Variants in BCAR3 observed in about 807,000 individuals in gnomAD.
BCAR3 encodes BCAR3 adaptor protein, NSP family member, also known as breast cancer anti-estrogen resistance protein 3.
Under a neutral mutation model 80.1 loss-of-function variants are expected in BCAR3, and 37 were observed. That is an observed-to-expected ratio of 0.46 (90% CI 0.36 to 0.61). BCAR3 has a LOEUF of 0.61. Among genes scored for constraint, BCAR3 ranks in the 20% least tolerant of loss-of-function variants. The pLI is 0.00. For synonymous variants in BCAR3, 389 were observed against 418.9 expected (o/e 0.93, Z 0.87); for missense variants, 978 against 1,068.2 (o/e 0.92, Z 1.18).
At chr1:93,741,481 G>T (rs1436718435) in intron 2 of BCAR3, among the ~76,000 whole-genome samples, 1 of 152,156 alleles carries the variant, frequency 6.6e-6, no homozygotes, top group Non-Finnish European at 1.5e-5. Flanking sequence ...TTGTTGTAAG[G>T]ATTAAATGAG....
chr1:93,808,824 C>T (rs1159229139), intron 2 of BCAR3, among the ~76,000 whole-genome samples: 1 of 152,178 alleles, frequency 6.6e-6, no homozygotes, highest in East Asian at 1.9e-4. Context: ...CAGAAATATT[C>T]TCTATTGGGT....
At chr1:93,783,077 C>T (rs942271292) in intron 2 of BCAR3, among the ~76,000 whole-genome samples, 13 of 152,124 alleles carry the variant, frequency 8.5e-5, no homozygotes, top group African/African-American at 3.1e-4. Context: ...GGATGTGGAG[C>T]CTCCCTTTGG....
intron 2 of BCAR3, among the ~76,000 whole-genome samples, chr1:93,670,213 G>C (rs905036377): frequency 6.6e-6 from 1 of 152,218 alleles, no homozygotes; most frequent in Admixed American, 6.5e-5. Context: ...ACCTGGGTCT[G>C]CTTGCAGAAC....
At chr1:93,844,281 TGGGTGATA>T (rs1182135460) in intron 2 of BCAR3, among the ~76,000 whole-genome samples, 5 of 152,222 alleles carry the variant, frequency 3.3e-5, no homozygotes, top group Non-Finnish European at 7.3e-5. Context: ...CACTCCAGCC[TGGGTGATA>T]GAGTGAGACT....
intron 3 of BCAR3, among the ~76,000 whole-genome samples, chr1:93,629,617 A>G (rs969993881): frequency 1.3e-5 from 2 of 152,188 alleles, no homozygotes; most frequent in Admixed American, 1.3e-4. Context: ...TAGAAACCGA[A>G]TTGTAGCCAA....
chr1:93,733,787 C>T (rs1650883315), intron 2 of BCAR3, among the ~76,000 whole-genome samples: 1 of 152,236 alleles, frequency 6.6e-6, no homozygotes, highest in African/African-American at 2.4e-5. Context: ...TCCAGATCCT[C>T]TCATTTTCTC....
At chr1:93,576,151 A>G in intron 7 of BCAR3, 22 bp from the exon 8 acceptor site, 1 of 1,586,162 alleles carries the variant, frequency 6.3e-7, no homozygotes, top group South Asian at 1.1e-5. Context: ...CAAAGTTGAA[A>G]TACACTGGAT....
At chr1:93,571,096 C>T (rs1673191803) in intron 9 of BCAR3, among the ~76,000 whole-genome samples, 1 of 151,954 alleles carries the variant, frequency 6.6e-6, no homozygotes, top group Non-Finnish European at 1.5e-5. Context: ...CCCAGCTACT[C>T]AGGAGGCTGA....
chr1:93,599,858 G>C (rs1674563388), intron 3 of BCAR3: 1 of 152,140 alleles, frequency 6.6e-6, no homozygotes, highest in South Asian at 2.1e-4. Flanking sequence ...GGCTTCCATT[G>C]GTTAAGACAT....
At chr1:93,639,005 T>A (rs1675893243) in intron 3 of BCAR3, among the ~76,000 whole-genome samples, 1 of 152,198 alleles carries the variant, frequency 6.6e-6, no homozygotes, top group Non-Finnish European at 1.5e-5. Flanking sequence ...TTTATTTTCC[T>A]CTCACATCCA....
intron 2 of BCAR3, among the ~76,000 whole-genome samples, chr1:93,786,035 T>C (rs1652926352): frequency 7.3e-6 from 1 of 137,548 alleles, no homozygotes; most frequent in South Asian, 2.2e-4. Flanking sequence ...CTACTAAAAA[T>C]ACAAAAAATT....
chr1:93,714,737 A>G (rs1002295035), intron 2 of BCAR3, among the ~76,000 whole-genome samples: 1 of 151,908 alleles, frequency 6.6e-6, no homozygotes, highest in Non-Finnish European at 1.5e-5. Flanking sequence ...AAAACTTCAT[A>G]TAGTTCAAAG....
intron 2 of BCAR3, among the ~76,000 whole-genome samples, chr1:93,802,383 T>C (rs79544517): frequency 0.013 from 1,968 of 152,268 alleles, 36 homozygotes; most frequent in African/African-American, 0.045. Context: ...CCCTTGCTTT[T>C]CTTTCAGATA....
At chr1:93,585,696 T>G (rs1673914892) in intron 5 of BCAR3, among the ~76,000 whole-genome samples, 1 of 152,134 alleles carries the variant, frequency 6.6e-6, no homozygotes. Context: ...AAAAGGAGGA[T>G]TTCTAAATAT....
chr1:93,622,374 C>A (rs984249953), intron 3 of BCAR3, among the ~76,000 whole-genome samples: 2 of 152,164 alleles, frequency 1.3e-5, no homozygotes, highest in Non-Finnish European at 2.9e-5. Context: ...GAGGGAAGCA[C>A]GGAGAACACC....
chr1:93,790,732 C>T (rs1653122697), intron 2 of BCAR3, among the ~76,000 whole-genome samples: 1 of 116,660 alleles, frequency 8.6e-6, no homozygotes, highest in East Asian at 2.6e-4. Context: ...ATACATGTGC[C>T]ATGCTGGTGT....
At chr1:93,591,043 A>G (rs895030030) in intron 4 of BCAR3, among the ~76,000 whole-genome samples, 1 of 152,086 alleles carries the variant, frequency 6.6e-6, no homozygotes, top group Admixed American at 6.6e-5. Flanking sequence ...TATGAGGAGA[A>G]TTATGGATAA....
rs758871826 is a variant in BCAR3 at position 93,582,593 on chromosome 1, G to A, written c.1394C>T (p.Ala465Val). 10 of 1,613,586 alleles carry A rather than the reference G, an allele frequency of 6.2e-6. No homozygotes were observed. The highest frequency in any genetic ancestry group is 4.5e-5 in the East Asian group (2 of 44,806). ...TELLTAKQNE[A>V]PGPRNSGVNY... ...GACGCCAGAGTTCCGGGGACCTGGC[G>A]CCTCATTCTGCTTGGCTGTGAGCAG... Residue 465 changes from alanine (A) to valine (V), a missense_variant, in exon 7 of 12, where the codon GCG becomes GTG. By Grantham distance (64) the Ala-to-Val change is moderately conservative. Coordinates refer to ENST00000260502, the MANE Select transcript of BCAR3 (RefSeq NM_003567.4).
intron 3 of BCAR3, among the ~76,000 whole-genome samples, chr1:93,596,996 T>C (rs1201384042): frequency 5.9e-5 from 9 of 152,138 alleles, no homozygotes; most frequent in Non-Finnish European, 1.2e-4. Flanking sequence ...CAAATCTACC[T>C]ACAACCATGA....
Sources: gnomAD v4.1 joint callset for allele counts (sites outside exome capture counted in the v4.1 genomes callset) on GRCh38, gnomAD v4.1.1 for gene constraint, MANE v1.5 for transcripts, NCBI Gene and HGNC (gene_info 2026-07-23, HGNC 2026-07-21) for gene names.